POPDC1: variants seen among roughly 807,000 people sequenced by gnomAD.
POPDC1 encodes popeye domain-containing protein 1.
the POPDC1 span, chr6:105,099,706 T>C: frequency 0.093 from 14,162 of 152,360 alleles, 745 homozygotes; most frequent in Middle Eastern, 0.19. Context: ...GCCTGGCCTG[T>C]AGTAAACCCT....
the POPDC1 span, among the ~76,000 whole-genome samples, chr6:105,106,205 T>G: frequency 6.6e-6 from 1 of 152,166 alleles, no homozygotes; most frequent in African/African-American, 2.4e-5. Flanking sequence ...TGTGAAACTG[T>G]TAAACAGTTA....
the POPDC1 span, among the ~76,000 whole-genome samples, chr6:105,121,349 T>G: frequency 5.3e-5 from 8 of 150,872 alleles, no homozygotes; most frequent in Middle Eastern, 3.4e-3. Flanking sequence ...CACTGCAACC[T>G]CCGCCTCCCG....
the POPDC1 span, chr6:105,125,618 A>C: frequency 6.3e-6 from 10 of 1,586,578 alleles, no homozygotes; most frequent in Non-Finnish European, 8.6e-6. Context: ...CCAATGCAGC[A>C]GCAATCCCAA....
the POPDC1 span, among the ~76,000 whole-genome samples, chr6:105,134,409 G>A: frequency 8.1e-3 from 1,227 of 151,898 alleles, 21 homozygotes; most frequent in African/African-American, 0.028. Context: ...ACCTGTCTTC[G>A]GTCTCCGGTC....
chr6:105,127,484 G>A, the POPDC1 span, among the ~76,000 whole-genome samples: 7 of 152,074 alleles, frequency 4.6e-5, no homozygotes, highest in Non-Finnish European at 8.8e-5. Flanking sequence ...GATGGAGCTC[G>A]CTCTGTTGCC....
chr6:105,130,485 T>C, the POPDC1 span, among the ~76,000 whole-genome samples: 1 of 152,176 alleles, frequency 6.6e-6, no homozygotes, highest in Non-Finnish European at 1.5e-5. Flanking sequence ...ATTGAAGAAT[T>C]GTTTTCCAAA....
chr6:105,104,966 T>C, the POPDC1 span, among the ~76,000 whole-genome samples: 4 of 152,202 alleles, frequency 2.6e-5, no homozygotes, highest in African/African-American at 4.8e-5. Flanking sequence ...TTATTTCTAC[T>C]GTATATTCAG....
chr6:105,112,541 A>C, the POPDC1 span, among the ~76,000 whole-genome samples: 1 of 152,234 alleles, frequency 6.6e-6, no homozygotes, highest in Admixed American at 6.5e-5. Flanking sequence ...ATAATTTCAC[A>C]CATTCCTAAG....
the POPDC1 span, among the ~76,000 whole-genome samples, chr6:105,117,186 G>A: frequency 4.3e-3 from 660 of 152,206 alleles, 3 homozygotes; most frequent in Non-Finnish European, 7.2e-3. Context: ...GGATGCCACT[G>A]GACATATGAC....
the POPDC1 span, among the ~76,000 whole-genome samples, chr6:105,108,339 T>C: frequency 6.6e-6 from 1 of 151,960 alleles, no homozygotes; most frequent in African/African-American, 2.4e-5. Context: ...GGAAAGTCTC[T>C]GGGAAAAATG....
the POPDC1 span, among the ~76,000 whole-genome samples, chr6:105,125,853 A>G: frequency 6.6e-6 from 1 of 152,052 alleles, no homozygotes; most frequent in Non-Finnish European, 1.5e-5. Context: ...ACTTGAGCCC[A>G]AGAGTTTGAG....
the POPDC1 span, among the ~76,000 whole-genome samples, chr6:105,118,749 A>G: frequency 1.3e-5 from 2 of 152,186 alleles, no homozygotes; most frequent in Admixed American, 6.5e-5. Flanking sequence ...AGGTGCTTTC[A>G]TATCTATCAT....
chr6:105,129,891 T>C, the POPDC1 span, among the ~76,000 whole-genome samples: 3 of 152,194 alleles, frequency 2.0e-5, no homozygotes, highest in African/African-American at 4.8e-5. Context: ...TATTGGACTG[T>C]TGTTGACCAC....
chr6:105,131,404 G>A, the POPDC1 span, among the ~76,000 whole-genome samples: 2 of 152,090 alleles, frequency 1.3e-5, no homozygotes, highest in Non-Finnish European at 2.9e-5. Context: ...ATTTTGGATG[G>A]GTCATTTTAC....
the POPDC1 span, among the ~76,000 whole-genome samples, chr6:105,107,547 G>A: frequency 6.6e-6 from 1 of 152,182 alleles, no homozygotes; most frequent in African/African-American, 2.4e-5. Flanking sequence ...AATCTGTCAG[G>A]TGACTTTTAT....
chr6:105,133,291 G>T, the POPDC1 span: 2 of 1,383,940 alleles, frequency 1.4e-6, no homozygotes, highest in Non-Finnish European at 2.0e-6. Context: ...AGCTCTCAAT[G>T]TAAAGCCCAT....
the POPDC1 span, chr6:105,097,571 G>C: frequency 6.6e-6 from 1 of 152,216 alleles, no homozygotes; most frequent in Admixed American, 6.5e-5. Flanking sequence ...GGACAGGTCA[G>C]TGTGTAGCTT....
At chr6:105,128,741 A>C in the POPDC1 span, among the ~76,000 whole-genome samples, 1 of 152,226 alleles carries the variant, frequency 6.6e-6, no homozygotes, top group Non-Finnish European at 1.5e-5. Context: ...GATTAAGGCA[A>C]GCATTATATC....
At chr6:105,134,180 C>T in the POPDC1 span, among the ~76,000 whole-genome samples, 1 of 151,992 alleles carries the variant, frequency 6.6e-6, no homozygotes. Flanking sequence ...TAATATATAG[C>T]CATATAAACA....
Sources: allele counts gnomAD v4.1 joint callset (sites outside exome capture counted in the v4.1 genomes callset), GRCh38; gene constraint gnomAD v4.1.1; transcripts MANE v1.5; gene names NCBI Gene and HGNC (gene_info 2026-07-23, HGNC 2026-07-21).